RUFY3: variants seen among roughly 807,000 people sequenced by gnomAD.
RUFY3 encodes protein RUFY3.
RUFY3 carries 34 observed loss-of-function variants against 84.0 expected under a neutral mutation model. The observed-to-expected ratio is 0.40, with a 90% CI of 0.31 to 0.54. RUFY3 has a LOEUF of 0.54. Among genes scored for constraint, RUFY3 ranks in the 20% least tolerant of loss-of-function variants. The pLI is 0.39. For synonymous variants in RUFY3, 242 were observed against 252.9 expected (o/e 0.96, Z 0.41); for missense variants, 507 against 736.8 (o/e 0.69, Z 3.61).
intron 1 of RUFY3, among the ~76,000 whole-genome samples, chr4:70,731,532 T>C (rs1316825165): frequency 6.6e-6 from 1 of 152,224 alleles, no homozygotes; most frequent in Non-Finnish European, 1.5e-5. Flanking sequence ...TTTAGCTTTC[T>C]GAAGCAGATG....
chr4:70,707,266 T>C (rs1469962119), intron 1 of RUFY3, among the ~76,000 whole-genome samples: 1 of 152,232 alleles, frequency 6.6e-6, no homozygotes. Context: ...GTATGGTGTT[T>C]TTTTGTTTTT....
chr4:70,767,017 G>A (rs1398315292), intron 4 of RUFY3, among the ~76,000 whole-genome samples: 2 of 151,952 alleles, frequency 1.3e-5, no homozygotes, highest in African/African-American at 4.8e-5. Context: ...TAGAGTATAT[G>A]GCCTTTTCAG....
intron 8 of RUFY3, among the ~76,000 whole-genome samples, chr4:70,782,402 A>G (rs1729075235): frequency 6.7e-6 from 1 of 149,794 alleles, no homozygotes; most frequent in African/African-American, 2.5e-5. Context: ...CTCCTGCCTC[A>G]GCCTCCCGAG....
At chr4:70,763,123 T>G (rs1408365786) in intron 2 of RUFY3, among the ~76,000 whole-genome samples, 2 of 152,194 alleles carry the variant, frequency 1.3e-5, no homozygotes, top group African/African-American at 2.4e-5. Flanking sequence ...CTTGTTTCCT[T>G]TCTTCTTGCC....
At chr4:70,735,845 G>C (rs1284468225) in intron 1 of RUFY3, among the ~76,000 whole-genome samples, 1 of 151,990 alleles carries the variant, frequency 6.6e-6, no homozygotes, top group Non-Finnish European at 1.5e-5. Context: ...AATATTAGCC[G>C]GGCATGGTGG....
At chr4:70,746,656 A>G (rs1357653386) in intron 1 of RUFY3, among the ~76,000 whole-genome samples, 1 of 152,202 alleles carries the variant, frequency 6.6e-6, no homozygotes, top group Non-Finnish European at 1.5e-5. Context: ...TTTTATAGAT[A>G]AGGAAAGTGA....
At chr4:70,726,837 A>G (rs1178880389) in intron 1 of RUFY3, among the ~76,000 whole-genome samples, 3 of 152,316 alleles carry the variant, frequency 2.0e-5, no homozygotes, top group Admixed American at 6.5e-5. Flanking sequence ...TGAGACTTAA[A>G]TGGACATTCA....
intron 1 of RUFY3, among the ~76,000 whole-genome samples, chr4:70,748,287 C>T (rs1240871712): frequency 1.3e-5 from 2 of 152,192 alleles, no homozygotes; most frequent in Non-Finnish European, 2.9e-5. Context: ...TAAGAACTCC[C>T]TCTTCCACTC....
intron 1 of RUFY3, among the ~76,000 whole-genome samples, 170 bp downstream of exon 1, chr4:70,722,921 A>G (rs1413341300): frequency 6.6e-6 from 1 of 152,086 alleles, no homozygotes; most frequent in Non-Finnish European, 1.5e-5. Flanking sequence ...CTCATGGGGG[A>G]AAGATAATTT....
chr4:70,766,467 A>C (rs901132457), intron 4 of RUFY3, among the ~76,000 whole-genome samples: 4 of 150,482 alleles, frequency 2.7e-5, no homozygotes, highest in Admixed American at 1.3e-4. Flanking sequence ...CTGGTCTTCA[A>C]CTCCTGACCT....
chr4:70,759,356 TTGTGTG>T (rs1553911985), intron 1 of RUFY3, among the ~76,000 whole-genome samples: 1 of 119,910 alleles, frequency 8.3e-6, no homozygotes, highest in Non-Finnish European at 1.7e-5. Context: ...ATGGCTGAAT[TTGTGTG>T]TGTGTGTGTA....
chr4:70,792,785 A>G (rs1052022615), intron 12 of RUFY3: 47 of 985,266 alleles, frequency 4.8e-5, no homozygotes, highest in Non-Finnish European at 5.7e-5. Flanking sequence ...AACCAAAATT[A>G]AGTCCAAAGA....
intron 1 of RUFY3, among the ~76,000 whole-genome samples, chr4:70,761,623 G>T (rs1164603787): frequency 4.6e-5 from 7 of 152,138 alleles, no homozygotes; most frequent in Non-Finnish European, 1.5e-5. Flanking sequence ...CACAGTGCTG[G>T]CACAGTGTAA....
intron 1 of RUFY3, among the ~76,000 whole-genome samples, chr4:70,749,751 G>T (rs1212629914): frequency 6.7e-6 from 1 of 149,972 alleles, no homozygotes; most frequent in Non-Finnish European, 1.5e-5. Flanking sequence ...CCAGGCTCAA[G>T]CCATCCTCCC....
chr4:70,727,721 G>A (rs190920339), intron 1 of RUFY3, among the ~76,000 whole-genome samples: 4,248 of 149,982 alleles, frequency 0.028, 86 homozygotes, highest in Middle Eastern at 0.055. Context: ...CAGGAGGCAG[G>A]GGTTGCGGTG....
upstream of RUFY3, among the ~76,000 whole-genome samples, chr4:70,717,178 A>G (rs905249218): frequency 6.6e-6 from 1 of 152,168 alleles, no homozygotes; most frequent in African/African-American, 2.4e-5. Context: ...TAAGTTTGCT[A>G]TTTTTAAAAA....
intron 1 of RUFY3, among the ~76,000 whole-genome samples, chr4:70,760,774 T>G (rs1362575145): frequency 6.6e-6 from 1 of 152,200 alleles, no homozygotes; most frequent in Non-Finnish European, 1.5e-5. Context: ...AAACATTTGT[T>G]GTTATGCAAG....
intron 16 of RUFY3, among the ~76,000 whole-genome samples, chr4:70,803,901 AT>A (rs201272530): frequency 0.03 from 4,042 of 136,050 alleles, 76 homozygotes; most frequent in African/African-American, 0.055. Context: ...TTTTTTTTTA[AT>A]ATATATATTT....
At chr4:70,797,243 C>T (rs1026933302) in intron 14 of RUFY3, among the ~76,000 whole-genome samples, 3 of 151,980 alleles carry the variant, frequency 2.0e-5, no homozygotes, top group Non-Finnish European at 4.4e-5. Context: ...GTGCCCAGCC[C>T]GGGGTTCTTT....
Sources: gnomAD v4.1 joint callset for allele counts (sites outside exome capture counted in the v4.1 genomes callset) on GRCh38, gnomAD v4.1.1 for gene constraint, MANE v1.5 for transcripts, NCBI Gene and HGNC (gene_info 2026-07-23, HGNC 2026-07-21) for gene names.